TRPA1: variants seen among roughly 807,000 people sequenced by gnomAD.
TRPA1 encodes ankyrin-like with transmembrane domains 1.
A neutral mutation model predicts 131.3 loss-of-function variants in TRPA1; 129 were observed. The ratio of observed to expected loss-of-function variants is 0.98; its 90% CI spans 0.85 to 1.14. The LOEUF is 1.14. Ranked by LOEUF, TRPA1 falls within the 50% of genes most tolerant of loss-of-function variation. The pLI, the probability that TRPA1 is intolerant of heterozygous loss-of-function variation, is 0.00. For synonymous variants in TRPA1, 441 were observed against 451.7 expected, an observed-to-expected ratio of 0.98 and a Z score of 0.30; for missense variants, 1,304 against 1,354.2, an observed-to-expected ratio of 0.96 and a Z score of 0.58.
chr8:72,047,046 C>A, intron 16 of TRPA1, 102 bp downstream of exon 16: 1 of 867,590 alleles, frequency 1.2e-6, no homozygotes, highest in Non-Finnish European at 1.8e-6. Context: ...TAGATCAATA[C>A]CATCTGCAGT....
At chr8:72,038,157 TTTTC>T in intron 19 of TRPA1, 85 bp from the exon 20 acceptor site, 4 of 769,114 alleles carry the variant, frequency 5.2e-6, no homozygotes, top group African/African-American at 1.8e-5. Flanking sequence ...TAAATTTCTT[TTTTC>T]TTTTTTTTTT....
chr8:72,040,668 G>T (rs1389803793), intron 17 of TRPA1, among the ~76,000 whole-genome samples: 1 of 152,064 alleles, frequency 6.6e-6, no homozygotes, highest in Non-Finnish European at 1.5e-5. Context: ...ACATGAATGG[G>T]TCTCAGGAGG....
intron 16 of TRPA1, among the ~76,000 whole-genome samples, chr8:72,046,897 G>T (rs570319084): frequency 6.6e-6 from 1 of 151,942 alleles, no homozygotes; most frequent in African/African-American, 2.4e-5. Flanking sequence ...TCATTATTAA[G>T]GCACAACTAC....
chr8:72,023,349 T>C (rs140571137), intron 26 of TRPA1: 196 of 581,312 alleles, frequency 3.4e-4, no homozygotes, highest in Non-Finnish European at 5.4e-4. Context: ...AGTTTATAGG[T>C]AAGAAACTAT....
chr8:72,047,855 A>G (rs937360646), intron 15 of TRPA1, among the ~76,000 whole-genome samples: 4 of 152,124 alleles, frequency 2.6e-5, no homozygotes, highest in Non-Finnish European at 5.9e-5. Context: ...GATAAAGGAT[A>G]GTCAATCTGA....
At chr8:72,064,356 A>G (rs979755280) in intron 4 of TRPA1, among the ~76,000 whole-genome samples, 1 of 151,654 alleles carries the variant, frequency 6.6e-6, no homozygotes, top group African/African-American at 2.4e-5. Context: ...GCTTTTTTGA[A>G]CAATATTATC....
chr8:72,088,147 T>C, the TRPA1 span, among the ~76,000 whole-genome samples: 5 of 152,228 alleles, frequency 3.3e-5, no homozygotes, highest in Admixed American at 1.3e-4. Flanking sequence ...AAGCTGTCTT[T>C]GTATCTTGTG....
intron 3 of TRPA1, among the ~76,000 whole-genome samples, chr8:72,068,552 G>GTC (rs1440633844): frequency 6.6e-6 from 1 of 152,178 alleles, no homozygotes; most frequent in African/African-American, 2.4e-5. Context: ...TTTTCACTGA[G>GTC]TCTCTCATTA....
chr8:72,030,795 A>G (rs1045909641), intron 23 of TRPA1, among the ~76,000 whole-genome samples: 1 of 150,556 alleles, frequency 6.6e-6, no homozygotes, highest in African/African-American at 2.4e-5. Context: ...AGGAAAACAT[A>G]TACTATAGGG....
rs541645095 is a variant in TRPA1 at position 72,041,942 on chromosome 8, T to C, written c.2062-2145A>G. 5.9e-4 allele frequency among the ~76,000 whole-genome samples: 90 copies of C among 151,724 alleles called. 1 individual carries two copies. Among genetic ancestry groups the C allele is most frequent in the Non-Finnish European group, 1.1e-3 (73 of 67,830 alleles). ...ACCAAGAATTGGTTTTTTGAAAAGA[T>C]AAACAAAATTAACAAAATTTTACTG... On this transcript the variant is annotated intron_variant, in intron 17 of 26. Coordinates refer to ENST00000262209, the MANE Select transcript of TRPA1 (RefSeq NM_007332.3).
rs896718400 is a variant in TRPA1 at position 72,065,463 on chromosome 8, T to C, written c.540A>G (p.Ala180=). 3.1e-6 allele frequency: 5 copies of C among 1,613,178 alleles called. No individual in the cohort carries two copies. The highest frequency in any genetic ancestry group is 4.2e-6 in the Non-Finnish European group (5 of 1,179,528). ...IIACTTNNSE[A]LQILLKKGAK... ...CAAATATACAAACCAAAATCTGCAA[T>C]GCTTCGCTATTATTTGTGGTGCACG... Residue 180 remains alanine (A), a synonymous_variant, in exon 4 of 27, where the codon GCA becomes GCG. Coordinates refer to ENST00000262209, the MANE Select transcript of TRPA1 (RefSeq NM_007332.3).
chr8:72,038,183 A>G, intron 19 of TRPA1, 111 bp from the exon 20 acceptor site: 1 of 622,550 alleles, frequency 1.6e-6, no homozygotes, highest in South Asian at 2.0e-5. Context: ...CTTAATTTCT[A>G]TATACTGTCC....
Position 72,039,334 on chromosome 8 carries a change from C to T in TRPA1, c.2133-307G>A, listed in dbSNP as rs946639185. Among the ~76,000 whole-genome samples, 9 of 151,950 alleles carry T rather than the reference C, an allele frequency of 5.9e-5. No homozygotes were observed. In the East Asian group the frequency reaches 9.7e-4, roughly 16 times the overall value. ...TCATTGTCAGCTAAATTTCAGGGTCCAGGATATTTCTACATGTTCTATACA... is the reference window on the plus strand; with the variant it reads ...TCATTGTCAGCTAAATTTCAGGGTCTAGGATATTTCTACATGTTCTATACA... On this transcript the variant is annotated intron_variant, in intron 18 of 26. Coordinates refer to ENST00000262209, the MANE Select transcript of TRPA1 (RefSeq NM_007332.3).
chr8:72,029,684 G>A (rs1811737437), intron 24 of TRPA1: 1 of 644,848 alleles, frequency 1.6e-6, no homozygotes, highest in African/African-American at 1.8e-5. Context: ...GCAGTATGTG[G>A]TATTCTCCTG....
intron 22 of TRPA1, 125 bp downstream of exon 22, chr8:72,034,120 TAAA>T: frequency 9.1e-7 from 1 of 1,097,774 alleles, no homozygotes; most frequent in South Asian, 1.6e-5. Flanking sequence ...ATATAGGAGA[TAAA>T]AACTAAAGTA....
At chr8:72,048,621 G>C (rs979708178) in intron 15 of TRPA1, among the ~76,000 whole-genome samples, 2 of 152,124 alleles carry the variant, frequency 1.3e-5, no homozygotes, top group Admixed American at 1.3e-4. Context: ...TGTCTTGGGT[G>C]GGGGCTGGGG....
intron 17 of TRPA1, among the ~76,000 whole-genome samples, chr8:72,042,478 G>T (rs531255099): frequency 6.6e-6 from 1 of 151,810 alleles, no homozygotes. Flanking sequence ...ATGTAAAATG[G>T]AACAGTCATT....
Position 72,075,542 on chromosome 8 carries a change from G to C in TRPA1, c.-133C>G. 1.3e-6 allele frequency: 1 copy of C among 758,842 alleles called. No individual in the cohort carries two copies. The highest frequency in any genetic ancestry group is 2.3e-6 in the Non-Finnish European group (1 of 441,950). 47.0% of individuals were successfully genotyped at this position (758,842 alleles called of 1,614,324 possible). On this transcript the variant is annotated 5_prime_UTR_variant, in exon 1 of 27. Coordinates refer to ENST00000262209, the MANE Select transcript of TRPA1 (RefSeq NM_007332.3). ...AGCTCTCCCGCGCTGCAGCTCACAG[G>C]CAGCGAAAAAGTCGCTCTGCGGAAG...
In TRPA1 at chr8:72,040,857, G is replaced by T. The variant is rs190018055; in HGVS notation, c.2062-1060C>A. The stretch of plus-strand genomic sequence containing the variant: ...GAAAGCAATTAACAAAATGGCAATA[G>T]TAAGTCCTTTCCTGTCAATAATTAT... On this transcript the variant is annotated intron_variant, in intron 17 of 26. Transcript: ENST00000262209. 3.3e-3 allele frequency among the ~76,000 whole-genome samples: 497 copies of T among 152,188 alleles called. 2 individuals carry two copies. The highest frequency in any genetic ancestry group is 6.8e-3 in the Middle Eastern group (2 of 294).
Sources: gnomAD v4.1 joint callset for allele counts (sites outside exome capture counted in the v4.1 genomes callset) on GRCh38, gnomAD v4.1.1 for gene constraint, MANE v1.5 for transcripts, NCBI Gene and HGNC (gene_info 2026-07-23, HGNC 2026-07-21) for gene names.